The following CLASP2 variants were observed in gnomAD, a reference collection of about 807,000 sequenced individuals.
CLASP2 encodes cytoplasmic linker associated protein 2.
CLASP2 carries 47 observed loss-of-function variants against 194.4 expected under a neutral mutation model. The ratio of observed to expected loss-of-function variants is 0.24; its 90% CI spans 0.19 to 0.31. The LOEUF (loss-of-function observed/expected upper bound fraction) is 0.31. Ranked by LOEUF, CLASP2 falls within the 10% of genes least tolerant of loss-of-function variation. CLASP2 has a pLI of 1.00. For missense variants in CLASP2, 1,445 were observed against 1,823.6 expected, an observed-to-expected ratio of 0.79 and a Z score of 3.78; for synonymous variants, 619 against 633.5, an observed-to-expected ratio of 0.98 and a Z score of 0.34.
chr3:33,508,363 C>G (rs1447548299), intron 37 of CLASP2, among the ~76,000 whole-genome samples: 1 of 151,884 alleles, frequency 6.6e-6, no homozygotes, highest in African/African-American at 2.4e-5. Flanking sequence ...TGGAGTCTCA[C>G]TCTGTCTCCC....
In CLASP2 at chr3:33,543,421, T is replaced by C. The variant is rs1285511761; in HGVS notation, c.3404+12A>G. The C allele has an allele frequency of 2.8e-6, 4 of 1,454,316 alleles. No individual in the cohort carries two copies. The highest frequency in any genetic ancestry group is 3.9e-6 in the Non-Finnish European group (4 of 1,034,532). The allele number at this position is 1,454,316 out of a possible 1,614,324, so 90.1% of individuals were successfully genotyped here. On this transcript the variant is annotated intron_variant, in intron 32 of 38. Transcript: ENST00000682230. ...AAATACAAACCATCATGAAAAATCATCCTTTTATTACCTTGGAGATAAAGT... is the reference window on the plus strand; with the variant it reads ...AAATACAAACCATCATGAAAAATCACCCTTTTATTACCTTGGAGATAAAGT...
intron 27 of CLASP2, chr3:33,563,929 A>G (rs926455853): frequency 2.2e-6 from 1 of 456,166 alleles, no homozygotes; most frequent in South Asian, 1.5e-5. Context: ...TTCCTAACAC[A>G]TCCCCACTCC....
intron 9 of CLASP2, among the ~76,000 whole-genome samples, chr3:33,631,899 C>A (rs924802137): frequency 6.6e-6 from 1 of 151,876 alleles, no homozygotes; most frequent in African/African-American, 2.4e-5. Flanking sequence ...ATGTTATGTA[C>A]AATATAACAT....
At chr3:33,545,542 A>C (rs2059023468) in intron 30 of CLASP2, among the ~76,000 whole-genome samples, 1 of 152,202 alleles carries the variant, frequency 6.6e-6, no homozygotes, top group Non-Finnish European at 1.5e-5. Flanking sequence ...GGAATACTAT[A>C]CAACACAATC....
intron 26 of CLASP2, among the ~76,000 whole-genome samples, chr3:33,569,832 A>G (rs1165032928): frequency 6.6e-6 from 1 of 152,178 alleles, no homozygotes; most frequent in Non-Finnish European, 1.5e-5. Context: ...TAGTTTATGT[A>G]CAATGTGGGA....
chr3:33,632,660 A>T (rs1327184922), intron 8 of CLASP2, among the ~76,000 whole-genome samples: 4 of 152,188 alleles, frequency 2.6e-5, no homozygotes. Flanking sequence ...AACACAAATA[A>T]ACATAAGTAA....
intron 24 of CLASP2, among the ~76,000 whole-genome samples, chr3:33,575,636 T>C (rs2154198294): frequency 6.6e-6 from 1 of 152,314 alleles, no homozygotes; most frequent in East Asian, 1.9e-4. Context: ...TCTGACAAGC[T>C]ATCATGGATC....
At chr3:33,548,617 C>A (rs2059519361) in intron 30 of CLASP2, among the ~76,000 whole-genome samples, 1 of 152,086 alleles carries the variant, frequency 6.6e-6, no homozygotes, top group African/African-American at 2.4e-5. Context: ...ATCTTAATTC[C>A]CTTTTTCAGC....
In CLASP2 at chr3:33,534,834, T is replaced by C. The variant is rs539909025; in HGVS notation, c.3787+399A>G. ...ATTTCGTCCTTGAAATGTATTTTAT[T>C]AATAAAAAAGTTTATGACTTCATGC... On this transcript the variant is annotated intron_variant, in intron 34 of 38. Transcript: ENST00000682230. 2.6e-5 allele frequency among the ~76,000 whole-genome samples: 4 copies of C among 152,296 alleles called. No homozygotes were observed. In the East Asian group the frequency reaches 5.8e-4, roughly 22 times the overall value.
chr3:33,544,800 G>T lies in CLASP2; in HGVS notation c.3195C>A (p.Thr1065=). The change falls in exon 31 of 39, where the codon ACC becomes ACA. Residue 1065 remains threonine (T), a synonymous_variant. Coordinates refer to ENST00000682230, the MANE Select transcript of CLASP2 (RefSeq NM_001365631.1). ...SVLISLFELN[T]PEFTMLLGAL... is the part of the protein sequence containing the mutation. ...CTCCTAATAACATTGTAAACTCTGG[G>T]GTATTGAGTTCAAATAATGAAATCA... The T allele has an allele frequency of 6.2e-7, 1 of 1,612,546 alleles. No individual in the cohort carries two copies. The highest frequency in any genetic ancestry group is 8.5e-7 in the Non-Finnish European group (1 of 1,179,126).
chr3:33,579,781 T>C (rs2154207895), intron 23 of CLASP2, among the ~76,000 whole-genome samples: 1 of 152,220 alleles, frequency 6.6e-6, no homozygotes, highest in Non-Finnish European at 1.5e-5. Flanking sequence ...AACTCAGGCA[T>C]AGAAAGGTTA....
chr3:33,718,125 C>A lies in CLASP2; in HGVS notation c.-123G>T, dbSNP rs2093379016. 2.0e-6 allele frequency: 2 copies of A among 1,019,478 alleles called. No individual in the cohort carries two copies. The highest frequency in any genetic ancestry group is 3.4e-5 in the African/African-American group (2 of 58,800). 63.2% of individuals were successfully genotyped at this position (1,019,478 alleles called of 1,614,324 possible). A position where few individuals can be genotyped will look rare whatever the true frequency, so the allele number is the denominator to read the frequency against. ...CTCACTTAGCCCGCCAGGGGCGCGGCTTGCGGGGCGCAGCGGGCGGCGGGA... is the reference window on the plus strand; with the variant it reads ...CTCACTTAGCCCGCCAGGGGCGCGGATTGCGGGGCGCAGCGGGCGGCGGGA... On this transcript the variant is annotated 5_prime_UTR_variant, in exon 1 of 39. Coordinates refer to ENST00000682230, the MANE Select transcript of CLASP2 (RefSeq NM_001365631.1).
At chr3:33,698,501 AGT>A (rs2092129113) in intron 1 of CLASP2, among the ~76,000 whole-genome samples, 1 of 152,206 alleles carries the variant, frequency 6.6e-6, no homozygotes, top group Admixed American at 6.5e-5. Flanking sequence ...AAGCAACAGC[AGT>A]CTACCAGTGG....
chr3:33,516,052 A>G lies in CLASP2; in HGVS notation c.4081T>C (p.Leu1361=), dbSNP rs779181045. 96 of 1,610,964 alleles carry G rather than the reference A, an allele frequency of 6.0e-5. 1 individual carries two copies. Among genetic ancestry groups the G allele is most frequent in the East Asian group, 2.7e-4 (12 of 44,754 alleles). The change falls in exon 36 of 39, where the codon TTG becomes CTG. Residue 1361 remains leucine, a synonymous_variant. Transcript: ENST00000682230. ...TTATGAGGATCTTTATGTGCTTCCA[A>G]TGTTTTCATGACAGTCAATTCTGCA... ...NYAELTVMKT[L]EAHKDPHKEV...
At chr3:33,713,627 T>C (rs2093143504) in intron 1 of CLASP2, among the ~76,000 whole-genome samples, 3 of 151,956 alleles carry the variant, frequency 2.0e-5, no homozygotes, top group Admixed American at 2.0e-4. Flanking sequence ...ATACATGAAA[T>C]GCTAGCACAC....
At position 33,506,377 on chromosome 3, in the gene CLASP2, C is replaced by CAAAAAAAAAAAAA. The variant is rs2048189726; in HGVS notation, c.4317+4180_4317+4181insTTTTTTTTTTTTT. Among the ~76,000 whole-genome samples, 376 of 61,872 alleles carry CAAAAAAAAAAAAA rather than the reference C, an allele frequency of 6.1e-3. 103 individuals are homozygous for CAAAAAAAAAAAAA. Among genetic ancestry groups the CAAAAAAAAAAAAA allele is most frequent in the African/African-American group, 0.02 (359 of 17,536 alleles). 40.6% of individuals were successfully genotyped at this position (61,872 alleles called of 152,430 possible). On this transcript the variant is annotated intron_variant, in intron 37 of 38. Coordinates refer to ENST00000682230, the MANE Select transcript of CLASP2 (RefSeq NM_001365631.1). ...TGGGTGACAGAGTGAGACTCTGTCT[C>CAAAAAAAAAAAAA]GAAAAAAAAAAAAAAAAAAAAAAAA...
intron 12 of CLASP2, among the ~76,000 whole-genome samples, chr3:33,613,558 A>T (rs916420503): frequency 6.6e-6 from 1 of 152,242 alleles, no homozygotes; most frequent in African/African-American, 2.4e-5. Context: ...TAACTCAACC[A>T]AAATAAATGA....
At position 33,696,905 on chromosome 3, in the gene CLASP2, C is replaced by G; in HGVS notation, c.224G>C (p.Ser75Thr). 1 of 1,595,160 alleles carries G rather than the reference C, an allele frequency of 6.3e-7. No individual in the cohort carries two copies. Reference protein sequence around the residue: ...RVSLMGLEILSAFVDRLSTRF... With the variant: ...RVSLMGLEILTAFVDRLSTRF... ...TGTTGATAATCTGTCCACAAAGGCACTTAAAATTTCCAATCCCATTAATGA... is the reference window on the plus strand; with the variant it reads ...TGTTGATAATCTGTCCACAAAGGCAGTTAAAATTTCCAATCCCATTAATGA... The change falls in exon 2 of 39, where the codon AGT (serine) becomes ACT (threonine). Residue 75 changes from serine to threonine, a missense_variant. By Grantham distance (58) the Ser-to-Thr change is moderately conservative (BLOSUM62 1). Coordinates refer to ENST00000682230, the MANE Select transcript of CLASP2 (RefSeq NM_001365631.1).
At chr3:33,692,085 T>C (rs1388814405) in intron 2 of CLASP2, among the ~76,000 whole-genome samples, 5 of 151,954 alleles carry the variant, frequency 3.3e-5, no homozygotes, top group African/African-American at 1.2e-4. Flanking sequence ...GGGAGGATGG[T>C]TTGAGCCCAG....
Sources: allele counts gnomAD v4.1 joint callset (sites outside exome capture counted in the v4.1 genomes callset), GRCh38; gene constraint gnomAD v4.1.1; transcripts MANE v1.5; gene names NCBI Gene and HGNC (gene_info 2026-07-23, HGNC 2026-07-21).